ANGPT1: variants seen among roughly 807,000 people sequenced by gnomAD.
ANGPT1 encodes the protein angiopoietin-1.
In ANGPT1, 17 loss-of-function variants were observed where a neutral mutation model predicts 62.2. The observed-to-expected ratio is 0.27, with a 90% CI of 0.19 to 0.41. The LOEUF (loss-of-function observed/expected upper bound fraction) is 0.41, where lower values mean the gene tolerates loss of function less well. ANGPT1 is among the 10% of genes least tolerant of loss of function. The pLI is 1.00. For missense variants in ANGPT1, 478 were observed against 594.9 expected, an observed-to-expected ratio of 0.80 and a Z score of 2.04; for synonymous variants, 199 against 198.9, an observed-to-expected ratio of 1.00 and a Z score of 0.00.
intron 4 of ANGPT1, among the ~76,000 whole-genome samples, chr8:107,317,921 G>A (rs773593019): frequency 1.2e-4 from 18 of 152,192 alleles, no homozygotes; most frequent in Non-Finnish European, 2.4e-4. Context: ...ATGAGCCACC[G>A]CGCCTGGCCA....
At chr8:107,386,200 GT>G (rs1816728688) in intron 1 of ANGPT1, among the ~76,000 whole-genome samples, 1 of 152,004 alleles carries the variant, frequency 6.6e-6, no homozygotes, top group Non-Finnish European at 1.5e-5. Flanking sequence ...CTGAGTACAT[GT>G]GGACAAAAAG....
chr8:107,480,208 A>G (rs1427420052), intron 1 of ANGPT1, among the ~76,000 whole-genome samples: 1 of 152,230 alleles, frequency 6.6e-6, no homozygotes, highest in East Asian at 1.9e-4. Flanking sequence ...AAGCTCATGG[A>G]AAGTGCATAA....
chr8:107,485,212 A>G (rs1247786166), intron 1 of ANGPT1, among the ~76,000 whole-genome samples: 1 of 152,164 alleles, frequency 6.6e-6, no homozygotes, highest in Non-Finnish European at 1.5e-5. Flanking sequence ...CCCGCACACC[A>G]CACATTGCTT....
rs1812228302 is a variant in ANGPT1, at chr8:107,467,231, T to C, written c.297+30031A>G. Reference sequence around the variant, plus strand: ...TCGATCATTACATATTAAATCCCTCTATCAAAAGATCACATGACCTCATAA... The same window carrying C: ...TCGATCATTACATATTAAATCCCTCCATCAAAAGATCACATGACCTCATAA... On this transcript the variant is annotated intron_variant, in intron 1 of 8. Coordinates refer to ENST00000517746, the MANE Select transcript of ANGPT1 (RefSeq NM_001146.5). Among the ~76,000 whole-genome samples, 3 of 152,086 alleles carry C rather than the reference T, an allele frequency of 2.0e-5. No homozygotes were observed. In the South Asian group the frequency reaches 6.2e-4, roughly 32 times the overall value.
At chr8:107,475,655 A>T (rs1031520358) in intron 1 of ANGPT1, among the ~76,000 whole-genome samples, 2 of 152,252 alleles carry the variant, frequency 1.3e-5, no homozygotes, top group African/African-American at 4.8e-5. Context: ...GGCAACCTAC[A>T]GAATGGGAGA....
intron 1 of ANGPT1, among the ~76,000 whole-genome samples, chr8:107,413,523 T>C (rs796511044): frequency 5.3e-5 from 8 of 151,796 alleles, no homozygotes; most frequent in African/African-American, 1.9e-4. Context: ...AAATAAGATT[T>C]AGTGAACTAT....
At chr8:107,290,819 T>C (rs1261255054) in intron 6 of ANGPT1, among the ~76,000 whole-genome samples, 2 of 152,216 alleles carry the variant, frequency 1.3e-5, no homozygotes, top group Non-Finnish European at 2.9e-5. Context: ...TTAAAGAATT[T>C]CAGTTTTGTT....
chr8:107,296,317 C>T (rs1251951012), intron 5 of ANGPT1, among the ~76,000 whole-genome samples: 1 of 151,778 alleles, frequency 6.6e-6, no homozygotes, highest in African/African-American at 2.4e-5. Context: ...GTGTGCTTAG[C>T]CTGTAGCGGG....
At chr8:107,370,364 G>GAAAAAAAGAAAGAAAGAAAGAAAGAA (rs1479952530) in intron 1 of ANGPT1, among the ~76,000 whole-genome samples, 1 of 32,434 alleles carries the variant, frequency 3.1e-5, no homozygotes, top group African/African-American at 5.5e-5. Flanking sequence ...AAGAAAGAAA[G>GAAAAAAAGAAAGAAAGAAAGAAAGAA]AAAGAAAGAA....
chr8:107,293,801 A>C, intron 6 of ANGPT1, 135 bp downstream of exon 6: 1 of 627,468 alleles, frequency 1.6e-6, no homozygotes, highest in Non-Finnish European at 2.7e-6. Flanking sequence ...GTGTCTAATG[A>C]AAATAATACT....
intron 3 of ANGPT1, among the ~76,000 whole-genome samples, chr8:107,325,373 A>G (rs1191711352): frequency 6.6e-6 from 1 of 152,216 alleles, no homozygotes; most frequent in Non-Finnish European, 1.5e-5. Flanking sequence ...GTTAACTTAT[A>G]AGAAAATTGC....
At chr8:107,374,688 A>C (rs535978371) in intron 1 of ANGPT1, among the ~76,000 whole-genome samples, 1 of 152,348 alleles carries the variant, frequency 6.6e-6, no homozygotes, top group African/African-American at 2.4e-5. Context: ...CTCTTAGAAC[A>C]ATCTATCTGA....
intron 1 of ANGPT1, among the ~76,000 whole-genome samples, chr8:107,444,592 T>A (rs1811565444): frequency 6.6e-6 from 1 of 152,066 alleles, no homozygotes; most frequent in South Asian, 2.1e-4. Context: ...TCTAGAAAAA[T>A]CTTTAAAATT....
At chr8:107,491,186 C>G (rs537967346) in intron 1 of ANGPT1, among the ~76,000 whole-genome samples, 47 of 151,090 alleles carry the variant, frequency 3.1e-4, no homozygotes, top group African/African-American at 1.1e-3. Context: ...AACTAGTGAA[C>G]AAGACAGGTG....
intron 1 of ANGPT1, among the ~76,000 whole-genome samples, chr8:107,476,742 T>A (rs188417476): frequency 6.6e-6 from 1 of 152,310 alleles, no homozygotes; most frequent in African/African-American, 2.4e-5. Flanking sequence ...ATGACACAAA[T>A]GCAGAAATAT....
chr8:107,437,174 G>T (rs1167274073), intron 1 of ANGPT1, among the ~76,000 whole-genome samples: 1 of 151,992 alleles, frequency 6.6e-6, no homozygotes, highest in African/African-American at 2.4e-5. Context: ...CATATTTTTG[G>T]TTGTCATTTT....
At chr8:107,471,658 C>T (rs372141656) in intron 1 of ANGPT1, among the ~76,000 whole-genome samples, 1 of 152,102 alleles carries the variant, frequency 6.6e-6, no homozygotes, top group East Asian at 1.9e-4. Flanking sequence ...TTCAGATTGG[C>T]GACGTTTGAA....
chr8:107,371,445 G>A (rs963729312), intron 1 of ANGPT1, among the ~76,000 whole-genome samples: 2 of 152,132 alleles, frequency 1.3e-5, no homozygotes, highest in Admixed American at 6.6e-5. Flanking sequence ...GAAGAACACT[G>A]AAGCTTACAT....
intron 3 of ANGPT1, among the ~76,000 whole-genome samples, chr8:107,333,365 T>A (rs996930855): frequency 6.6e-6 from 1 of 152,074 alleles, no homozygotes; most frequent in African/African-American, 2.4e-5. Flanking sequence ...AGGGGTCCAC[T>A]GTCGAAAAAG....
Sources: allele counts gnomAD v4.1 joint callset (sites outside exome capture counted in the v4.1 genomes callset), GRCh38; gene constraint gnomAD v4.1.1; transcripts MANE v1.5; gene names NCBI Gene and HGNC (gene_info 2026-07-23, HGNC 2026-07-21).